The following CASD1 variants were observed in gnomAD, a reference collection of about 807,000 sequenced individuals.
The protein encoded by CASD1 is CAS1 domain sialic acid O acetyltransferase 1.
In CASD1, 41 loss-of-function variants were observed where a neutral mutation model predicts 100.0. That is an observed-to-expected ratio of 0.41 (90% CI 0.32 to 0.53). The LOEUF (loss-of-function observed/expected upper bound fraction) is 0.53, where lower values mean the gene tolerates loss of function less well. Ranked by LOEUF, CASD1 falls within the 20% of genes least tolerant of loss-of-function variation. The pLI is 0.25. For missense variants in CASD1, 774 were observed against 948.7 expected (o/e 0.82, Z 2.42); for synonymous variants, 321 against 315.6 (o/e 1.02, Z -0.18).
In CASD1 at chr7:94,517,671, T is replaced by G. The variant is rs200966305; in HGVS notation, c.230+15T>G. 1.1e-4 allele frequency: 167 copies of G among 1,499,512 alleles called. 1 individual carries two copies. In the East Asian group the frequency reaches 3.4e-3, roughly 30 times the overall value. 92.9% of individuals were successfully genotyped at this position (1,499,512 alleles called of 1,614,324 possible). A position where few individuals can be genotyped will look rare whatever the true frequency, so the allele number is the denominator to read the frequency against. The stretch of plus-strand genomic sequence containing the variant: ...TACAAAATCAGGTAACATTTCTTCA[T>G]TTTGTTGTTTTCTTTTTCAGGATGG... On this transcript the variant is annotated intron_variant, in intron 2 of 17. Transcript: ENST00000297273.
chr7:94,603,328 G>A, the CASD1 span: 39 of 1,612,408 alleles, frequency 2.4e-5, no homozygotes, highest in Admixed American at 4.2e-4. Flanking sequence ...AATTGAGTAC[G>A]AAATTTTTTA....
At chr7:94,631,661 G>A in the CASD1 span, among the ~76,000 whole-genome samples, 5 of 151,908 alleles carry the variant, frequency 3.3e-5, 1 homozygote, top group Admixed American at 3.3e-4. Flanking sequence ...GCCTTTCGGG[G>A]AAGGGAATTA....
chr7:94,523,448 C>CG (rs1188882174), intron 3 of CASD1, among the ~76,000 whole-genome samples: 1 of 151,992 alleles, frequency 6.6e-6, no homozygotes, highest in Non-Finnish European at 1.5e-5. Flanking sequence ...TAAAATATAC[C>CG]GTGTGCAATG....
intron 2 of CASD1, 58 bp downstream of exon 2, chr7:94,517,714 A>C: frequency 9.7e-7 from 1 of 1,026,860 alleles, no homozygotes. Flanking sequence ...TATGTAGTGG[A>C]GAGGGGTTGG....
chr7:94,510,131 A>G lies in CASD1; in HGVS notation c.47A>G (p.Tyr16Cys). 6.5e-7 allele frequency: 1 copy of G among 1,529,394 alleles called. No homozygotes were observed. The allele number at this position is 1,529,394 out of a possible 1,614,324, so 94.7% of individuals were successfully genotyped here. A position where few individuals can be genotyped will look rare whatever the true frequency, so the allele number is the denominator to read the frequency against. Residue 16 changes from tyrosine (Y) to cysteine (C), a missense_variant, in exon 1 of 18, where the codon TAC (tyrosine) becomes TGC (cysteine). By Grantham distance (194) the Tyr-to-Cys change is radical. Coordinates refer to ENST00000297273, the MANE Select transcript of CASD1 (RefSeq NM_022900.5). ...YNLGKREINH[Y>C]FSVRSAKVLA... is the part of the protein sequence containing the mutation. Reference sequence around the variant, plus strand: ...CTGGGCAAGCGGGAGATCAACCACTACTTCAGCGTGAGGAGCGCCAAGGTG... The same window carrying G: ...CTGGGCAAGCGGGAGATCAACCACTGCTTCAGCGTGAGGAGCGCCAAGGTG...
the CASD1 span, among the ~76,000 whole-genome samples, chr7:94,602,033 C>G: frequency 6.6e-6 from 1 of 152,038 alleles, no homozygotes; most frequent in Admixed American, 6.6e-5. Context: ...CAAAAATCTT[C>G]AAGGAGTATA....
chr7:94,595,985 T>G, the CASD1 span, among the ~76,000 whole-genome samples: 1 of 152,170 alleles, frequency 6.6e-6, no homozygotes, highest in Non-Finnish European at 1.5e-5. Flanking sequence ...GTGAACATCA[T>G]CAATTATCTG....
chr7:94,567,661 G>A, the CASD1 span, among the ~76,000 whole-genome samples: 3 of 152,266 alleles, frequency 2.0e-5, no homozygotes, highest in East Asian at 5.8e-4. Flanking sequence ...ACTGTTGCCA[G>A]CCTATGCCTG....
In CASD1 at chr7:94,537,071, C is replaced by G. The variant is rs1795157542; in HGVS notation, c.844-401C>G. On this transcript the variant is annotated intron_variant, in intron 8 of 17. Transcript: ENST00000297273. ...TTTTGAAAGTCTTCTAATTAAAATTCTTTGGTCCTTGATGTCTGTCAGCAT... is the reference window on the plus strand; with the variant it reads ...TTTTGAAAGTCTTCTAATTAAAATTGTTTGGTCCTTGATGTCTGTCAGCAT... Among the ~76,000 whole-genome samples the G allele has an allele frequency of 2.0e-5, 3 of 151,150 alleles. No homozygotes were observed. In the South Asian group the frequency reaches 6.3e-4, roughly 32 times the overall value.
At position 94,537,628 on chromosome 7, in the gene CASD1, C is replaced by G; in HGVS notation, c.1000C>G (p.His334Asp). Residue 334 changes from histidine to aspartate, a missense_variant, in exon 9 of 18, where the codon CAT (histidine) becomes GAT (aspartate). By Grantham distance (81) the His-to-Asp change is moderately conservative. Around this residue, in one of 5 missense-constraint regions of CASD1, gnomAD observed 453 missense variants for 532.6 expected, o/e 0.85. Transcript: ENST00000297273. ...CGGATATTTAATTTTTTACATAATT[C>G]ATCGTAATGCTCATCGGAAGAATAA... Reference protein sequence around the residue: ...IIGYLIFYIIHRNAHRKNKPC... With the variant: ...IIGYLIFYIIDRNAHRKNKPC... 6.2e-7 allele frequency: 1 copy of G among 1,613,790 alleles called. No homozygotes were observed. The highest frequency in any genetic ancestry group is 2.2e-5 in the East Asian group (1 of 44,852).
chr7:94,530,387 C>T (rs1351249631), intron 5 of CASD1, among the ~76,000 whole-genome samples: 1 of 152,066 alleles, frequency 6.6e-6, no homozygotes. Context: ...TCACGTGCTT[C>T]GTTTTACAGG....
chr7:94,551,263 C>A, intron 14 of CASD1, 75 bp from the exon 15 acceptor site: 1 of 1,196,770 alleles, frequency 8.4e-7, no homozygotes, highest in South Asian at 1.6e-5. Context: ...TTCATATATT[C>A]CTCACTAACC....
chr7:94,537,838 A>T lies in CASD1; in HGVS notation c.1210A>T (p.Ile404Phe), dbSNP rs368836346. The change falls in exon 9 of 18, where the codon ATT becomes TTT. Residue 404 changes from isoleucine to phenylalanine, a missense_variant. Physicochemically the swap from Ile to Phe is conservative, Grantham distance 21. This residue lies in a region of CASD1 where 453 missense variants were observed against 532.6 expected (regional missense o/e 0.85). Coordinates refer to ENST00000297273, the MANE Select transcript of CASD1 (RefSeq NM_022900.5). ...ATTTTATACACATTCATCTTTCTTT[A>T]TTCCAATTATCTACATTTTGGTTTT... ...NKFYTHSSFFIPIIYILVLGV... is the reference protein window; with the variant it reads ...NKFYTHSSFFFPIIYILVLGV... 21 of 1,582,608 alleles carry T rather than the reference A, an allele frequency of 1.3e-5. No homozygotes were observed. Among genetic ancestry groups the T allele is most frequent in the Non-Finnish European group, 1.8e-5 (21 of 1,151,992 alleles).
the CASD1 span, among the ~76,000 whole-genome samples, chr7:94,563,887 T>C: frequency 9.7e-4 from 148 of 152,284 alleles, no homozygotes; most frequent in African/African-American, 3.1e-3. Flanking sequence ...TGCTGGACTC[T>C]TAAAAAGTGT....
the CASD1 span, among the ~76,000 whole-genome samples, chr7:94,632,921 C>CG: frequency 1.3e-5 from 2 of 152,080 alleles, no homozygotes; most frequent in Non-Finnish European, 2.9e-5. Context: ...ACAGTTAACA[C>CG]ATGTTGCAGT....
chr7:94,564,584 G>A, the CASD1 span, among the ~76,000 whole-genome samples: 154 of 152,268 alleles, frequency 1.0e-3, no homozygotes, highest in African/African-American at 3.5e-3. Flanking sequence ...TTCAGGAAAT[G>A]ACTGCAGGGT....
the CASD1 span, among the ~76,000 whole-genome samples, chr7:94,563,278 T>G: frequency 6.6e-6 from 1 of 152,132 alleles, no homozygotes; most frequent in Non-Finnish European, 1.5e-5. Context: ...GGAGGCAACA[T>G]TAAAGAGGCG....
At chr7:94,547,243 G>A in intron 13 of CASD1, 68 bp downstream of exon 13, 1 of 1,178,580 alleles carries the variant, frequency 8.5e-7, no homozygotes, top group Non-Finnish European at 1.2e-6. Flanking sequence ...ATTAAAGCAT[G>A]TGAGAAGAGT....
chr7:94,565,930 T>C, the CASD1 span, among the ~76,000 whole-genome samples: 100,495 of 152,036 alleles, frequency 0.66, 34,047 homozygotes, highest in African/African-American at 0.81. Flanking sequence ...GAATGCAATG[T>C]AGTTTCAAGA....
Sources: allele counts gnomAD v4.1 joint callset (sites outside exome capture counted in the v4.1 genomes callset), GRCh38; gene constraint gnomAD v4.1.1; regional missense constraint gnomAD v4.1.1; transcripts MANE v1.5; gene names NCBI Gene and HGNC (gene_info 2026-07-23, HGNC 2026-07-21).